The following CPLANE1 variants were observed in gnomAD, a reference collection of about 807,000 sequenced individuals.
The protein encoded by CPLANE1 is ciliogenesis and planar polarity effector 1.
CPLANE1 carries 263 observed loss-of-function variants against 362.5 expected under a neutral mutation model. The ratio of observed to expected loss-of-function variants is 0.73; its 90% CI spans 0.66 to 0.80. CPLANE1 has a LOEUF of 0.80. Ranked by LOEUF, CPLANE1 falls within the 30% of genes least tolerant of loss-of-function variation. The pLI is 0.00. For synonymous variants in CPLANE1, 1,212 were observed against 1,302.6 expected (o/e 0.93, Z 1.50); for missense variants, 3,461 against 3,793.4 (o/e 0.91, Z 2.30).
chr5:37,085,158 C>T, the CPLANE1 span: 1 of 783,226 alleles, frequency 1.3e-6, no homozygotes, highest in African/African-American at 1.7e-5. Context: ...ATCCACCAGT[C>T]CTCACAAGTT....
At chr5:37,117,483 A>AGAATGTAGAATATTAAATT (rs1229914456) in intron 50 of CPLANE1, among the ~76,000 whole-genome samples, 1 of 152,136 alleles carries the variant, frequency 6.6e-6, no homozygotes, top group Non-Finnish European at 1.5e-5. Flanking sequence ...TTTAGAAATG[A>AGAATGTAGAATATTAAATT]GAATGTAGAA....
chr5:37,141,718 G>A (rs920338930), intron 44 of CPLANE1: 1 of 983,448 alleles, frequency 1.0e-6, no homozygotes, highest in African/African-American at 1.7e-5. Context: ...TTGAACTGAT[G>A]TATTTACTAT....
In CPLANE1 at chr5:37,108,396, T is replaced by C; in HGVS notation, c.9476A>G (p.Gln3159Arg). ...CTCTCTTTCATACTCTACACACACCTGCTTGGTTTGAGGTGCAAGCCCAGC... is the reference window on the plus strand; with the variant it reads ...CTCTCTTTCATACTCTACACACACCCGCTTGGTTTGAGGTGCAAGCCCAGC... Reference protein sequence around the residue: ...GSAGLAPQTKQVCVEYEREET... With the variant: ...GSAGLAPQTKRVCVEYEREET... The change falls in exon 52 of 53, where the codon CAG becomes CGG. Residue 3159 changes from glutamine to arginine, a missense_variant. This residue lies in a region of CPLANE1 where 81 missense variants were observed against 127.3 expected (regional missense o/e 0.64). Transcript: ENST00000651892. 6.2e-7 allele frequency: 1 copy of C among 1,614,212 alleles called. No homozygotes were observed. Among genetic ancestry groups the C allele is most frequent in the Non-Finnish European group, 8.5e-7 (1 of 1,180,022 alleles).
chr5:37,178,458 A>C (rs1377432562), intron 29 of CPLANE1, among the ~76,000 whole-genome samples: 2 of 151,240 alleles, frequency 1.3e-5, no homozygotes. Context: ...TTTTTTTTTA[A>C]ATTAGCTGGG....
Position 37,153,270 on chromosome 5 carries a change from C to T in CPLANE1, c.8373+470G>A, listed in dbSNP as rs537726955. Among the ~76,000 whole-genome samples the T allele has an allele frequency of 5.3e-5, 8 of 152,250 alleles. No homozygotes were observed. In the South Asian group the frequency reaches 1.7e-3, roughly 32 times the overall value. On this transcript the variant is annotated intron_variant, in intron 42 of 52. Transcript: ENST00000651892. ...AGCATCTTCAGGGAAGATGGCTTCA[C>T]TGAATTCTACCAAACATTTAAGGAA...
chr5:37,142,248 T>A (rs935322956), intron 44 of CPLANE1, 62 bp downstream of exon 44: 5 of 1,380,720 alleles, frequency 3.6e-6, no homozygotes, highest in Non-Finnish European at 4.7e-6. Context: ...CAGTAAATCA[T>A]GTTCAGTAAC....
intron 41 of CPLANE1, among the ~76,000 whole-genome samples, chr5:37,155,948 A>G (rs1047859731): frequency 1.3e-5 from 2 of 152,234 alleles, no homozygotes; most frequent in African/African-American, 2.4e-5. Flanking sequence ...AGCTTCATAC[A>G]TCCTCCATCC....
At chr5:37,189,479 G>A (rs574039966) in intron 21 of CPLANE1, among the ~76,000 whole-genome samples, 1 of 152,282 alleles carries the variant, frequency 6.6e-6, no homozygotes, top group Admixed American at 6.5e-5. Flanking sequence ...ATTACTGACA[G>A]ATGTGTTTCA....
At chr5:37,087,975 C>G in the CPLANE1 span, among the ~76,000 whole-genome samples, 5,094 of 152,234 alleles carry the variant, frequency 0.033, 299 homozygotes, top group African/African-American at 0.12. Flanking sequence ...CAACCAGAAT[C>G]AGGTGGCCGG....
intron 46 of CPLANE1, among the ~76,000 whole-genome samples, chr5:37,127,452 C>T (rs1764483378): frequency 6.6e-6 from 1 of 152,064 alleles, no homozygotes; most frequent in Non-Finnish European, 1.5e-5. Flanking sequence ...AATATTACCA[C>T]TCGATGTTCT....
At chr5:37,234,730 C>T (rs1798557029) in intron 8 of CPLANE1, among the ~76,000 whole-genome samples, 1 of 151,988 alleles carries the variant, frequency 6.6e-6, no homozygotes, top group Non-Finnish European at 1.5e-5. Flanking sequence ...AAAAGGACTC[C>T]ACCAGCGGCT....
In CPLANE1 at chr5:37,120,244, C is replaced by A; in HGVS notation, c.9282G>T (p.Gly3094=). 3 of 1,603,634 alleles carry A rather than the reference C, an allele frequency of 1.9e-6. No individual in the cohort carries two copies. Among genetic ancestry groups the A allele is most frequent in the East Asian group, 4.5e-5 (2 of 44,622 alleles). Residue 3094 remains glycine, a synonymous_variant, in exon 50 of 53, where the codon GGG becomes GGT. Transcript: ENST00000651892. The part of the protein sequence containing the change: ...PSYIHKRKSF[G]QPQGSPWPHG... The stretch of plus-strand genomic sequence containing the variant: ...GTGGCCAAGGTGAGCCTTGAGGTTG[C>A]CCAAAAGACTTCCTCTTATGGATAT...
At chr5:37,220,628 C>T (rs908579129) in intron 15 of CPLANE1, among the ~76,000 whole-genome samples, 12 of 152,042 alleles carry the variant, frequency 7.9e-5, no homozygotes, top group Non-Finnish European at 1.6e-4. Flanking sequence ...CTCCCAGGTT[C>T]ATGCCATTCT....
chr5:37,174,050 T>A (rs1780503175), intron 31 of CPLANE1, 103 bp from the exon 32 acceptor site: 1 of 985,894 alleles, frequency 1.0e-6, no homozygotes, highest in Admixed American at 2.6e-5. Context: ...GTCTTCCAAT[T>A]TAAAGGTTAT....
chr5:37,164,278 G>A lies in CPLANE1; in HGVS notation c.7583C>T (p.Pro2528Leu), dbSNP rs760976416. Residue 2528 changes from proline (P) to leucine (L), a missense_variant, in exon 37 of 53, where the codon CCT becomes CTT. Pro to Leu is a moderately conservative substitution (Grantham distance 98). This residue lies in a region of CPLANE1 where 3,380 missense variants were observed against 3,666.1 expected (regional missense o/e 0.92). Transcript: ENST00000651892. ...TTAATCATACACATACATACCAAAA[G>A]GAACGTCGAAGTCATCCAAAGGATG... Reference protein sequence around the residue: ...GSHPLDDFDVPFEMLQDDNTS... With the variant: ...GSHPLDDFDVLFEMLQDDNTS... 3 of 1,611,188 alleles carry A rather than the reference G, an allele frequency of 1.9e-6. No homozygotes were observed. Among genetic ancestry groups the A allele is most frequent in the South Asian group, 2.2e-5 (2 of 91,008 alleles).
intron 46 of CPLANE1, among the ~76,000 whole-genome samples, chr5:37,136,893 C>G (rs1053387473): frequency 3.3e-5 from 5 of 152,202 alleles, no homozygotes; most frequent in Admixed American, 6.5e-5. Flanking sequence ...GGGCCTGGGC[C>G]TGCCCCAGGA....
chr5:37,193,782 G>A (rs907356332), intron 21 of CPLANE1, among the ~76,000 whole-genome samples: 10 of 152,018 alleles, frequency 6.6e-5, no homozygotes, highest in African/African-American at 1.2e-4. Flanking sequence ...TCTGCCGCCC[G>A]GGCTGGAGAT....
intron 46 of CPLANE1, 69 bp downstream of exon 46, chr5:37,138,651 G>T: frequency 1.3e-6 from 2 of 1,491,650 alleles, no homozygotes; most frequent in South Asian, 2.5e-5. Context: ...ATTAAAATAT[G>T]ACAAATTTTG....
At chr5:37,244,686 T>G in intron 4 of CPLANE1, 79 bp from the exon 5 acceptor site, 2 of 828,774 alleles carry the variant, frequency 2.4e-6, no homozygotes, top group Middle Eastern at 3.0e-4. Flanking sequence ...TATGTATTCT[T>G]ACAATAAAAA....
Sources: gnomAD v4.1 joint callset for allele counts (sites outside exome capture counted in the v4.1 genomes callset) on GRCh38, gnomAD v4.1.1 for gene constraint, gnomAD v4.1.1 regional missense constraint, MANE v1.5 for transcripts, NCBI Gene and HGNC (gene_info 2026-07-23, HGNC 2026-07-21) for gene names.